Variants in ANKRD18B observed in about 807,000 individuals in gnomAD.
ANKRD18B encodes the protein ankyrin repeat domain 18B, also known as ankyrin repeat domain-containing protein 18B.
In ANKRD18B, 75 loss-of-function variants were observed where a neutral mutation model predicts 111.8. The observed-to-expected ratio is 0.67, with a 90% CI of 0.56 to 0.81. The LOEUF is 0.81. ANKRD18B is among the 40% of genes least tolerant of loss of function. The probability of loss-of-function intolerance (pLI) is 0.00; values close to 1 mark genes in which losing one functional copy is unlikely to be tolerated. For synonymous variants in ANKRD18B, 356 were observed against 417.3 expected (o/e 0.85, Z 1.79); for missense variants, 1,038 against 1,225.5 (o/e 0.85, Z 2.28).
chr9:33,556,264 T>C (rs1828525198), intron 13 of ANKRD18B, among the ~76,000 whole-genome samples: 1 of 152,092 alleles, frequency 6.6e-6, no homozygotes, highest in African/African-American at 2.4e-5. Context: ...CCTATTTTCA[T>C]TTATTTATTT....
At chr9:33,543,365 C>G in intron 10 of ANKRD18B, 110 bp downstream of exon 10, 2 of 858,752 alleles carry the variant, frequency 2.3e-6, no homozygotes, top group South Asian at 4.7e-5. Context: ...TAGAATCCAA[C>G]AGAGCATAAT....
At chr9:33,529,300 A>G in intron 3 of ANKRD18B, 127 bp downstream of exon 3, 1 of 1,336,844 alleles carries the variant, frequency 7.5e-7, no homozygotes, top group East Asian at 2.5e-5. Flanking sequence ...TAATTGTCTA[A>G]AATTTTACTT....
chr9:33,525,531 C>G (rs1318520894), intron 1 of ANKRD18B, among the ~76,000 whole-genome samples: 1 of 151,980 alleles, frequency 6.6e-6, no homozygotes, highest in Non-Finnish European at 1.5e-5. Context: ...GGAATACAGA[C>G]TGAAATTTTT....
intron 4 of ANKRD18B, chr9:33,533,884 C>CATCATT (rs774597674): frequency 1.6e-5 from 2 of 128,068 alleles, no homozygotes; most frequent in African/African-American, 5.4e-5. Flanking sequence ...TTACCATTAT[C>CATCATT]ATTATTATTA....
At chr9:33,563,985 G>A (rs980219190) in intron 14 of ANKRD18B, among the ~76,000 whole-genome samples, 2 of 152,046 alleles carry the variant, frequency 1.3e-5, no homozygotes, top group Admixed American at 1.3e-4. Flanking sequence ...TGTAGTCTGG[G>A]CTCTGGGCAA....
intron 3 of ANKRD18B, 106 bp downstream of exon 3, chr9:33,529,279 T>C: frequency 2.1e-6 from 3 of 1,405,554 alleles, no homozygotes; most frequent in Non-Finnish European, 2.8e-6. Flanking sequence ...TGAAAATGTT[T>C]TGAAATAACT....
chr9:33,571,389 C>G, intron 18 of ANKRD18B, 98 bp downstream of exon 18: 1 of 457,978 alleles, frequency 2.2e-6, no homozygotes, highest in South Asian at 3.9e-5. Flanking sequence ...TTAGTAGATA[C>G]TACATTCAGT....
At chr9:33,538,961 CAA>C (rs1402907948) in intron 6 of ANKRD18B, among the ~76,000 whole-genome samples, 1 of 152,018 alleles carries the variant, frequency 6.6e-6, no homozygotes, top group African/African-American at 2.4e-5. Context: ...TTGCAGGAGA[CAA>C]AGATGGAATT....
At chr9:33,559,410 T>C (rs1430372788) in intron 14 of ANKRD18B, among the ~76,000 whole-genome samples, 1 of 152,200 alleles carries the variant, frequency 6.6e-6, no homozygotes, top group Non-Finnish European at 1.5e-5. Flanking sequence ...TTGATTTTTT[T>C]CAGCTTCTTC....
At chr9:33,545,212 G>C (rs925184323) in intron 10 of ANKRD18B, among the ~76,000 whole-genome samples, 4 of 152,158 alleles carry the variant, frequency 2.6e-5, no homozygotes, top group African/African-American at 9.7e-5. Flanking sequence ...GTTTCTCACA[G>C]AGATGAAGAA....
chr9:33,550,188 A>G (rs1325467002), intron 11 of ANKRD18B, among the ~76,000 whole-genome samples: 3 of 152,198 alleles, frequency 2.0e-5, no homozygotes, highest in African/African-American at 7.2e-5. Context: ...TTGAGGGTCT[A>G]AGGTGAATGA....
chr9:33,547,018 G>GA (rs1183695618), intron 10 of ANKRD18B, among the ~76,000 whole-genome samples: 1 of 152,070 alleles, frequency 6.6e-6, no homozygotes, highest in African/African-American at 2.4e-5. Context: ...GGAACCAAAT[G>GA]AAAAAATAAG....
In ANKRD18B at chr9:33,547,972, T is replaced by A. The variant is rs767845214; in HGVS notation, c.1184T>A (p.Met395Lys). Residue 395 changes from methionine (M) to lysine (K), a missense_variant, in exon 11 of 19, where the codon ATG becomes AAG. By Grantham distance (95) the Met-to-Lys change is moderately conservative. Transcript: ENST00000684830. ...AGTTATGGAAAAAAGAAGGATGAGA[T>A]GTTTGGAAATTTTATGTTGAAGAGA... ...SQSYGKKKDE[M>K]FGNFMLKRDI... 1.0e-5 allele frequency: 15 copies of A among 1,455,764 alleles called. No homozygotes were observed. The highest frequency in any genetic ancestry group is 1.4e-5 in the Non-Finnish European group (15 of 1,104,266). 90.2% of individuals were successfully genotyped at this position (1,455,764 alleles called of 1,614,324 possible). A position where few individuals can be genotyped will look rare whatever the true frequency, so the allele number is the denominator to read the frequency against.
At chr9:33,549,383 A>G (rs963522318) in intron 11 of ANKRD18B, among the ~76,000 whole-genome samples, 2 of 152,118 alleles carry the variant, frequency 1.3e-5, no homozygotes, top group African/African-American at 4.8e-5. Context: ...ATGTTAGTAG[A>G]TGCAGAGCAA....
chr9:33,533,933 G>A (rs1024168536), intron 4 of ANKRD18B: 1 of 153,586 alleles, frequency 6.5e-6, no homozygotes, highest in African/African-American at 2.4e-5. Flanking sequence ...AGTTGTTGCT[G>A]TTGTTGTTGA....
intron 5 of ANKRD18B, among the ~76,000 whole-genome samples, chr9:33,536,590 T>C (rs1828205426): frequency 6.6e-6 from 1 of 152,228 alleles, no homozygotes; most frequent in African/African-American, 2.4e-5. Flanking sequence ...ACCTATTGGT[T>C]ACAGAGCGAG....
chr9:33,548,784 G>A lies in ANKRD18B; in HGVS notation c.1996G>A (p.Glu666Lys). 6.5e-7 allele frequency: 1 copy of A among 1,540,686 alleles called. No individual in the cohort carries two copies. Among genetic ancestry groups the A allele is most frequent in the South Asian group, 1.2e-5 (1 of 80,694 alleles). The change falls in exon 11 of 19, where the codon GAA (glutamate) becomes AAA (lysine). Residue 666 changes from glutamate (E) to lysine (K), a missense_variant. Physicochemically the swap from Glu to Lys is moderately conservative, Grantham distance 56 (BLOSUM62 1). Around this residue, in one of 4 missense-constraint regions of ANKRD18B, gnomAD observed 524 missense variants for 677.9 expected, o/e 0.77. Transcript: ENST00000684830. Reference sequence around the variant, plus strand: ...AGATCTTCTAGAAGAAAGAAATAAGGAATTAATGAATGAATATAATTATTT... The same window carrying A: ...AGATCTTCTAGAAGAAAGAAATAAGAAATTAATGAATGAATATAATTATTT... ...KEDLLEERNK[E>K]LMNEYNYLKE...
intron 1 of ANKRD18B, among the ~76,000 whole-genome samples, chr9:33,527,309 T>TTTGTTTG (rs1554646722): frequency 1.5e-4 from 21 of 144,458 alleles, no homozygotes; most frequent in Admixed American, 1.3e-3. Flanking sequence ...ATGTTTCTTT[T>TTTGTTTG]TTTGTTTGTT....
chr9:33,572,392 A>G lies in ANKRD18B; in HGVS notation c.3300A>G (p.Arg1100=). The G allele has an allele frequency of 6.3e-7, 1 of 1,598,578 alleles. No individual in the cohort carries two copies. The highest frequency in any genetic ancestry group is 2.2e-5 in the East Asian group (1 of 44,760). The change falls in exon 19 of 19, where the codon AGA becomes AGG. Residue 1100 remains arginine, a synonymous_variant. Coordinates refer to ENST00000684830, the MANE Select transcript of ANKRD18B (RefSeq NM_001393611.1). ...CTGGTAAGCCACATCTAATGAAGAG[A>G]ATATTTAACCATAAAATCTTAAGGA... ...ESTGKPHLMK[R]IFNHKILRKS... is the part of the protein sequence containing the mutation.
Sources: gnomAD v4.1 joint callset for allele counts (sites outside exome capture counted in the v4.1 genomes callset) on GRCh38, gnomAD v4.1.1 for gene constraint, gnomAD v4.1.1 regional missense constraint, MANE v1.5 for transcripts, NCBI Gene and HGNC (gene_info 2026-07-23, HGNC 2026-07-21) for gene names.